PKHD1: variants seen among roughly 807,000 people sequenced by gnomAD.
The protein encoded by PKHD1 is PKHD1 ciliary IPT domain containing fibrocystin/polyductin.
PKHD1 carries 291 observed loss-of-function variants against 412.0 expected under a neutral mutation model. That is an observed-to-expected ratio of 0.71 (90% confidence interval 0.64 to 0.78). The LOEUF (loss-of-function observed/expected upper bound fraction) is 0.78, where lower values mean the gene tolerates loss of function less well. PKHD1 is among the 30% of genes least tolerant of loss of function. The pLI, the probability that PKHD1 is intolerant of heterozygous loss-of-function variation, is 0.00. For missense variants in PKHD1, 4,825 were observed against 4,950.7 expected, an observed-to-expected ratio of 0.97 and a Z score of 0.76; for synonymous variants, 1,777 against 1,821.5, an observed-to-expected ratio of 0.98 and a Z score of 0.62.
chr6:51,974,338 T>C (rs1794080794), intron 35 of PKHD1, among the ~76,000 whole-genome samples: 1 of 152,244 alleles, frequency 6.6e-6, no homozygotes, highest in Non-Finnish European at 1.5e-5. Flanking sequence ...CTCTCAAGTC[T>C]TTAAGCTTCT....
chr6:51,934,185 T>A lies in PKHD1; in HGVS notation c.6046A>T (p.Ser2016Cys), dbSNP rs1413693039. The change falls in exon 37 of 67, where the codon AGT becomes TGT. Residue 2016 changes from serine (S) to cysteine (C), a missense_variant. Coordinates refer to ENST00000371117, the MANE Select transcript of PKHD1 (RefSeq NM_138694.4). ...GGAAAGAAGGGAGTTGAGTAGGAAC[T>A]CCCGTAGAGTGTGATCTGAGCTCTG... is the stretch of plus-strand genomic sequence containing the variant. ...QGRAQITLYG[S>C]SYSTPFFPYG... The A allele has an allele frequency of 2.6e-5, 42 of 1,613,986 alleles. No homozygotes were observed. Among genetic ancestry groups the A allele is most frequent in the Non-Finnish European group, 3.4e-5 (40 of 1,179,850 alleles).
chr6:51,835,662 C>A (rs1412183515), intron 51 of PKHD1, among the ~76,000 whole-genome samples: 3 of 152,196 alleles, frequency 2.0e-5, no homozygotes, highest in African/African-American at 7.2e-5. Flanking sequence ...TCTTGAATCA[C>A]ATTCTTCATA....
chr6:51,658,003 T>C (rs1772172711), intron 61 of PKHD1, among the ~76,000 whole-genome samples: 1 of 152,062 alleles, frequency 6.6e-6, no homozygotes, highest in African/African-American at 2.4e-5. Context: ...CTCAGTGGGA[T>C]CTAAATAAAA....
intron 46 of PKHD1, among the ~76,000 whole-genome samples, chr6:51,882,042 A>G (rs775588633): frequency 1.6e-4 from 25 of 152,226 alleles, no homozygotes; most frequent in Admixed American, 3.3e-4. Flanking sequence ...TTTAACATCA[A>G]TTAAGATACT....
At chr6:51,863,369 T>C (rs949461864) in intron 48 of PKHD1, among the ~76,000 whole-genome samples, 12 of 152,176 alleles carry the variant, frequency 7.9e-5, no homozygotes, top group African/African-American at 2.9e-4. Context: ...AGTCAAAAAT[T>C]CGAAGACAGA....
chr6:51,807,479 A>ATATGTGTGTGTG (rs1451342734), intron 52 of PKHD1, among the ~76,000 whole-genome samples: 16 of 103,462 alleles, frequency 1.5e-4, no homozygotes, highest in African/African-American at 6.5e-4. Flanking sequence ...ATATATATAT[A>ATATGTGTGTGTG]TGTATATGTG....
At chr6:51,664,608 T>C (rs777552598) in intron 60 of PKHD1, among the ~76,000 whole-genome samples, 19 of 152,212 alleles carry the variant, frequency 1.2e-4, no homozygotes, top group Non-Finnish European at 2.5e-4. Flanking sequence ...TAAGATTTTG[T>C]TACTATGGCT....
intron 28 of PKHD1, among the ~76,000 whole-genome samples, chr6:52,034,148 A>G (rs1803537322): frequency 6.7e-6 from 1 of 148,940 alleles, no homozygotes; most frequent in Admixed American, 6.9e-5. Flanking sequence ...AACAAAAGAC[A>G]TGTTTAGAAA....
intron 36 of PKHD1, among the ~76,000 whole-genome samples, chr6:51,957,104 G>A (rs995296032): frequency 7.9e-5 from 12 of 152,024 alleles, no homozygotes; most frequent in Admixed American, 3.3e-4. Context: ...TTCAGAGGTG[G>A]GTGGTTGAAT....
chr6:52,048,873 C>A (rs961751892), intron 22 of PKHD1, among the ~76,000 whole-genome samples: 1 of 152,206 alleles, frequency 6.6e-6, no homozygotes, highest in African/African-American at 2.4e-5. Flanking sequence ...GGCTTCCTCT[C>A]TGCCACTGAA....
At chr6:51,690,271 C>CAAA (rs70977310) in intron 60 of PKHD1, among the ~76,000 whole-genome samples, 1,213 of 109,702 alleles carry the variant, frequency 0.011, 56 homozygotes, top group Non-Finnish European at 0.017. Flanking sequence ...GACTCCATCT[C>CAAA]AAAAAAAAAA....
intron 65 of PKHD1, 53 bp from the exon 66 acceptor site, chr6:51,627,169 A>G: frequency 2.7e-6 from 4 of 1,506,926 alleles, no homozygotes; most frequent in Non-Finnish European, 3.7e-6. Flanking sequence ...AAGTGGGACC[A>G]TCAGCATTTA....
At chr6:51,863,817 G>A (rs1345444788) in intron 48 of PKHD1, among the ~76,000 whole-genome samples, 1 of 152,124 alleles carries the variant, frequency 6.6e-6, no homozygotes, top group Non-Finnish European at 1.5e-5. Flanking sequence ...AGACAATAAG[G>A]ACACTAAAGG....
intron 53 of PKHD1, among the ~76,000 whole-genome samples, chr6:51,778,128 A>T (rs1304472090): frequency 2.6e-5 from 4 of 152,042 alleles, no homozygotes; most frequent in Non-Finnish European, 5.9e-5. Context: ...TCAATCTAGC[A>T]ATCAAAGAAA....
At chr6:51,781,997 C>T (rs1248498411) in intron 53 of PKHD1, among the ~76,000 whole-genome samples, 1 of 151,398 alleles carries the variant, frequency 6.6e-6, no homozygotes, top group Non-Finnish European at 1.5e-5. Context: ...TATTCACTAG[C>T]TTTCCTAAAA....
chr6:51,919,757 A>G (rs1311097344), intron 37 of PKHD1, among the ~76,000 whole-genome samples: 7 of 152,200 alleles, frequency 4.6e-5, no homozygotes, highest in Non-Finnish European at 8.8e-5. Flanking sequence ...CTTCCTATCC[A>G]TGAGCATGGA....
At chr6:51,788,318 A>G (rs755100158) in intron 53 of PKHD1, among the ~76,000 whole-genome samples, 2 of 151,954 alleles carry the variant, frequency 1.3e-5, no homozygotes, top group African/African-American at 4.8e-5. Context: ...GAGGCTGACT[A>G]TGCTGGAGAG....
intron 49 of PKHD1, among the ~76,000 whole-genome samples, chr6:51,853,621 C>A (rs963015664): frequency 7.9e-5 from 12 of 152,124 alleles, no homozygotes; most frequent in Non-Finnish European, 1.2e-4. Context: ...TTGTTCATTC[C>A]TTTACATTCT....
intron 43 of PKHD1, among the ~76,000 whole-genome samples, chr6:51,894,846 C>T (rs192923774): frequency 2.6e-5 from 4 of 152,290 alleles, no homozygotes; most frequent in East Asian, 3.9e-4. Context: ...CTATGGTTAT[C>T]GTTATGTTAT....
Sources: allele counts gnomAD v4.1 joint callset (sites outside exome capture counted in the v4.1 genomes callset), GRCh38; gene constraint gnomAD v4.1.1; transcripts MANE v1.5; gene names NCBI Gene and HGNC (gene_info 2026-07-23, HGNC 2026-07-21).